GABRR1: variants seen among roughly 807,000 people sequenced by gnomAD.
GABRR1 encodes the protein gamma-aminobutyric acid receptor subunit rho-1.
Under a neutral mutation model 55.5 loss-of-function variants are expected in GABRR1, and 59 were observed. That is an observed-to-expected ratio of 1.06 (90% CI 0.86 to 1.32). The LOEUF is 1.32. GABRR1 is among the 40% of genes most tolerant of loss of function. The pLI is 0.00. For missense variants in GABRR1, 602 were observed against 619.1 expected (o/e 0.97, Z 0.29); for synonymous variants, 213 against 226.0 (o/e 0.94, Z 0.51).
intron 9 of GABRR1, 66 bp from the exon 10 acceptor site, chr6:89,179,129 A>C: frequency 6.7e-7 from 1 of 1,498,038 alleles, no homozygotes; most frequent in South Asian, 1.2e-5. Context: ...CTTCAAAAGG[A>C]ACTGCATAGT....
chr6:89,206,618 CTT>C lies in GABRR1; in HGVS notation c.123-3135_123-3134del, dbSNP rs139149933. On this transcript the variant is annotated intron_variant, in intron 1 of 9. Transcript: ENST00000454853. Reference sequence around the variant, plus strand: ...TGGGATCAATAGATGAGAGACTGTACTTTTTTTTTTTTTTGAAACAAGATCTC... The same window carrying C: ...TGGGATCAATAGATGAGAGACTGTACTTTTTTTTTTTTGAAACAAGATCTC... 5.8e-3 allele frequency among the ~76,000 whole-genome samples: 846 copies of C among 145,372 alleles called. 3 individuals are homozygous for C. Among genetic ancestry groups the C allele is most frequent in the Non-Finnish European group, 6.2e-3 (408 of 65,896 alleles).
intron 2 of GABRR1, among the ~76,000 whole-genome samples, chr6:89,202,045 G>A (rs1772492313): frequency 6.6e-6 from 1 of 152,150 alleles, no homozygotes; most frequent in African/African-American, 2.4e-5. Context: ...CCACTGTGGA[G>A]GGAGCGGGAC....
rs761458075 is a variant in GABRR1, at chr6:89,185,294, C to G, written c.796+16G>C. On this transcript the variant is annotated intron_variant, in intron 7 of 9. Coordinates refer to ENST00000454853, the MANE Select transcript of GABRR1 (RefSeq NM_002042.5). ...CTGAAGCCTGCCCTGACTCTCAGCC[C>G]TCACTCTACACTTACCTGTGCTGCT... The G allele has an allele frequency of 6.2e-7, 1 of 1,613,772 alleles. No homozygotes were observed. The highest frequency in any genetic ancestry group is 8.5e-7 in the Non-Finnish European group (1 of 1,179,790).
chr6:89,218,942 G>A (rs1436618024), upstream of GABRR1, among the ~76,000 whole-genome samples: 1 of 152,046 alleles, frequency 6.6e-6, no homozygotes, highest in African/African-American at 2.4e-5. Flanking sequence ...AGTTTCTTGG[G>A]CTTGGTCTCC....
chr6:89,204,089 G>A (rs1008326673), intron 1 of GABRR1, among the ~76,000 whole-genome samples: 6 of 152,126 alleles, frequency 3.9e-5, no homozygotes, highest in Non-Finnish European at 8.8e-5. Flanking sequence ...CTAGTCGAGG[G>A]GTAGTCCTGG....
intron 9 of GABRR1, 56 bp downstream of exon 9, chr6:89,180,236 C>A: frequency 1.9e-6 from 3 of 1,559,402 alleles, no homozygotes; most frequent in Non-Finnish European, 2.6e-6. Flanking sequence ...CCTGAGGTTC[C>A]AGAGCTAGAT....
rs543525535 is a variant in GABRR1 at position 89,200,305 on chromosome 6, G to C, written c.280+854C>G. 8.9e-5 allele frequency among the ~76,000 whole-genome samples: 12 copies of C among 135,112 alleles called. No individual in the cohort carries two copies. The East Asian group carries it at 2.7e-3, about 31-fold the overall frequency. The allele number at this position is 135,112 out of a possible 152,430, so 88.6% of individuals were successfully genotyped here. A position where few individuals can be genotyped will look rare whatever the true frequency, so the allele number is the denominator to read the frequency against. On this transcript the variant is annotated intron_variant, in intron 3 of 9. Transcript: ENST00000454853. ...ACTCTGTTGCCCAGGCTGGAGTACA[G>C]TGGTGTGATCTCAGTTCACTGCAAC...
rs746691926 is a variant in GABRR1, at chr6:89,178,755, T to C, written c.*15A>G. The C allele has an allele frequency of 6.3e-7, 1 of 1,593,236 alleles. No homozygotes were observed. Among genetic ancestry groups the C allele is most frequent in the South Asian group, 1.1e-5 (1 of 90,666 alleles). On this transcript the variant is annotated 3_prime_UTR_variant, in exon 10 of 10. Transcript: ENST00000454853. ...GCATGCCATGGAAATGTGAAATTTG[T>C]AGAATTACAAGCATCTAGGAGAAAA... is the stretch of plus-strand genomic sequence containing the variant.
At chr6:89,187,237 G>A (rs1293802429) in intron 6 of GABRR1, among the ~76,000 whole-genome samples, 2 of 151,958 alleles carry the variant, frequency 1.3e-5, no homozygotes, top group Non-Finnish European at 2.9e-5. Flanking sequence ...GTGTTGTGTT[G>A]TGTTAAAATA....
chr6:89,184,613 C>T (rs1771836552), intron 7 of GABRR1, among the ~76,000 whole-genome samples: 1 of 152,064 alleles, frequency 6.6e-6, no homozygotes, highest in Admixed American at 6.6e-5. Context: ...GCAGGGAGAA[C>T]GTAAATTGAA....
At chr6:89,225,190 G>A (rs1181547802) in intron 1 of GABRR1, among the ~76,000 whole-genome samples, 1 of 151,504 alleles carries the variant, frequency 6.6e-6, no homozygotes, top group Non-Finnish European at 1.5e-5. Flanking sequence ...TCTCTTGCGT[G>A]TGGCTTGCCA....
upstream of GABRR1, chr6:89,217,515 G>T: frequency 4.0e-6 from 2 of 500,410 alleles, no homozygotes; most frequent in Non-Finnish European, 6.9e-6. Context: ...ATCCTCCTAC[G>T]TCAGATGTCA....
rs564972693 is a variant in GABRR1 at position 89,226,091 on chromosome 6, C to T, written c.-410-4645G>A. Among the ~76,000 whole-genome samples, 951 of 152,160 alleles carry T rather than the reference C, an allele frequency of 6.3e-3. 13 individuals are homozygous for T. Among genetic ancestry groups the T allele is most frequent in the African/African-American group, 0.022 (899 of 41,474 alleles). The stretch of plus-strand genomic sequence containing the variant: ...TTGAGAAGTGTCTGTTCATGTCCTT[C>T]GCCCAACTTTTGATGGGGTTGTTTG... On this transcript the variant is annotated intron_variant, in intron 1 of 11. Coordinates refer to the GABRR1 transcript ENST00000369451.
intron 9 of GABRR1, 73 bp downstream of exon 9, chr6:89,180,219 T>A: frequency 6.6e-7 from 1 of 1,516,854 alleles, no homozygotes; most frequent in Non-Finnish European, 8.9e-7. Flanking sequence ...AGAGAAGGTC[T>A]GCCCTGCCTG....
At chr6:89,210,182 A>ATT (rs60158472) in intron 1 of GABRR1, among the ~76,000 whole-genome samples, 18 of 80,198 alleles carry the variant, frequency 2.2e-4, no homozygotes, top group South Asian at 9.5e-4. Context: ...TTCTGCAGCA[A>ATT]TTTTTTTTTT....
intron 9 of GABRR1, 118 bp downstream of exon 9, chr6:89,180,174 T>A: frequency 2.9e-6 from 3 of 1,041,348 alleles, no homozygotes; most frequent in Non-Finnish European, 4.1e-6. Context: ...CCCTGTGAAG[T>A]AGGCACAGGA....
intron 1 of GABRR1, among the ~76,000 whole-genome samples, chr6:89,210,122 C>G (rs1358920402): frequency 6.7e-6 from 1 of 148,266 alleles, no homozygotes; most frequent in Admixed American, 6.7e-5. Context: ...GGGCCTTGCT[C>G]TTTTCACCTT....
upstream of GABRR1, among the ~76,000 whole-genome samples, chr6:89,221,973 C>G (rs1342906173): frequency 1.3e-5 from 2 of 152,208 alleles, no homozygotes; most frequent in African/African-American, 4.8e-5. Context: ...GTGGTCCAGA[C>G]TGAAGGGAAT....
intron 1 of GABRR1, among the ~76,000 whole-genome samples, chr6:89,230,523 T>C (rs1192746769): frequency 6.6e-6 from 1 of 152,202 alleles, no homozygotes; most frequent in Non-Finnish European, 1.5e-5. Context: ...TACCCTGCCT[T>C]GTGAGGTGTC....
Sources: allele counts gnomAD v4.1 joint callset (sites outside exome capture counted in the v4.1 genomes callset), GRCh38; gene constraint gnomAD v4.1.1; transcripts MANE v1.5; gene names NCBI Gene and HGNC (gene_info 2026-07-23, HGNC 2026-07-21).